Variants in CDC23 observed in about 807,000 individuals in gnomAD.
CDC23 encodes the protein cell division cycle protein 23 homolog.
In CDC23, 26 loss-of-function variants were observed where a neutral mutation model predicts 81.7. The observed-to-expected ratio is 0.32, with a 90% CI of 0.23 to 0.44. The LOEUF (loss-of-function observed/expected upper bound fraction) is 0.44, where lower values mean the gene tolerates loss of function less well. Ranked by LOEUF, CDC23 falls within the 20% of genes least tolerant of loss-of-function variation. The probability of loss-of-function intolerance (pLI) is 1.00; values close to 1 mark genes in which losing one functional copy is unlikely to be tolerated. For synonymous variants in CDC23, 267 were observed against 270.8 expected (o/e 0.99, Z 0.14); for missense variants, 519 against 728.0 (o/e 0.71, Z 3.30).
chr5:138,212,945 A>C (rs1022762796), intron 2 of CDC23, 46 bp downstream of exon 2: 24 of 1,535,102 alleles, frequency 1.6e-5, no homozygotes, highest in African/African-American at 2.7e-5. Context: ...CTCTTGAGGC[A>C]CACCCCTGGG....
At chr5:138,192,479 T>C in intron 10 of CDC23, 25 bp downstream of exon 10, 1 of 1,613,468 alleles carries the variant, frequency 6.2e-7, no homozygotes. Flanking sequence ...CAATCTGCTC[T>C]ACCTCACCAC....
At chr5:138,202,408 C>A (rs374764376) in intron 3 of CDC23, among the ~76,000 whole-genome samples, 47 of 152,258 alleles carry the variant, frequency 3.1e-4, no homozygotes, top group African/African-American at 1.0e-3. Context: ...CTCAGCCTCC[C>A]GAGTAGCTAG....
chr5:138,212,280 T>C (rs1270807394), intron 2 of CDC23, among the ~76,000 whole-genome samples: 1 of 152,204 alleles, frequency 6.6e-6, no homozygotes, highest in Non-Finnish European at 1.5e-5. Flanking sequence ...TTATTTGCTA[T>C]GCTGATCAGA....
At chr5:138,208,024 T>C (rs2967785) in intron 2 of CDC23, among the ~76,000 whole-genome samples, 51,411 of 151,486 alleles carry the variant, frequency 0.34, 8,957 homozygotes, top group South Asian at 0.43. Flanking sequence ...TGCAGTGGTG[T>C]GATATTGGCT....
intron 2 of CDC23, among the ~76,000 whole-genome samples, chr5:138,210,184 C>A (rs17228339): frequency 1.3e-5 from 2 of 150,894 alleles, no homozygotes; most frequent in Non-Finnish European, 2.9e-5. Flanking sequence ...CCACTGCACT[C>A]CAGCCTGGGT....
intron 6 of CDC23, among the ~76,000 whole-genome samples, chr5:138,199,665 C>CA (rs1754963478): frequency 6.6e-6 from 1 of 152,140 alleles, no homozygotes. Flanking sequence ...AAGGAAGACA[C>CA]AAGTATGACT....
chr5:138,187,984 C>T lies in CDC23; in HGVS notation c.*994G>A, dbSNP rs150210709. 1.0e-4 allele frequency: 16 copies of T among 155,256 alleles called. No individual in the cohort carries two copies. In the East Asian group the frequency reaches 2.7e-3, roughly 26 times the overall value. The allele number at this position is 155,256 out of a possible 1,614,324, so 9.6% of individuals were successfully genotyped here. On this transcript the variant is annotated 3_prime_UTR_variant, in exon 16 of 16. Coordinates refer to ENST00000394886, the MANE Select transcript of CDC23 (RefSeq NM_004661.4). ...TAGCATCTACTGTGCAAATATATTA[C>T]AGCAGACATTATAGCATATTACCTC...
intron 3 of CDC23, among the ~76,000 whole-genome samples, chr5:138,204,899 G>A (rs964203974): frequency 1.3e-5 from 2 of 150,998 alleles, no homozygotes; most frequent in Non-Finnish European, 2.9e-5. Flanking sequence ...GAGCTACCGC[G>A]CCCGGACTTT....
At chr5:138,205,165 T>A (rs1022545636) in intron 3 of CDC23, among the ~76,000 whole-genome samples, 1 of 152,174 alleles carries the variant, frequency 6.6e-6, no homozygotes, top group African/African-American at 2.4e-5. Context: ...TAAGGAACTT[T>A]ATTTTATCCC....
At chr5:138,206,049 TAAC>T (rs1264221761) in intron 3 of CDC23, 2 of 155,892 alleles carry the variant, frequency 1.3e-5, no homozygotes, top group Admixed American at 1.3e-4. Context: ...TTTATATAGA[TAAC>T]AACTAAGAAA....
rs771743739 is a variant in CDC23 at position 138,189,759 on chromosome 5, A to C, written c.1504-7T>G. 4 of 1,613,308 alleles carry C rather than the reference A, an allele frequency of 2.5e-6. No individual in the cohort carries two copies. Among genetic ancestry groups the C allele is most frequent in the African/African-American group, 1.3e-5 (1 of 74,910 alleles). On this transcript the variant is annotated splice_polypyrimidine_tract_variant and splice_region_variant and intron_variant, in intron 14 of 15. Coordinates refer to ENST00000394886, the MANE Select transcript of CDC23 (RefSeq NM_004661.4). ...CCAAGTGTTCTACTATTTCCTAGAA[A>C]GGGAAAGCAAAATTACTGAGGTGAC...
At position 138,192,607 on chromosome 5, in the gene CDC23, G is replaced by C. The variant is rs1467255486; in HGVS notation, c.1063C>G (p.Gln355Glu). 3.1e-6 allele frequency: 5 copies of C among 1,614,004 alleles called. No homozygotes were observed. Among genetic ancestry groups the C allele is most frequent in the Non-Finnish European group, 4.2e-6 (5 of 1,179,934 alleles). ...CGAGGATTTAATTTCAGGGCTCTCT[G>C]GAAATATAAGGCTGCTTTCTCATGC... The part of the protein sequence containing the change: ...SQHEKAALYF[Q>E]RALKLNPRYL... The change falls in exon 10 of 16, where the codon CAG becomes GAG. Residue 355 changes from glutamine to glutamate, a missense_variant. Around this residue, in one of 4 missense-constraint regions of CDC23, gnomAD observed 175 missense variants for 337.8 expected, o/e 0.52. Coordinates refer to ENST00000394886, the MANE Select transcript of CDC23 (RefSeq NM_004661.4).
In CDC23 at chr5:138,188,267, GTATAGCTAACAA is replaced by G. The variant is rs1411534339; in HGVS notation, c.*699_*710del. ...TATCTCCTTGCTTGCTTTGGTAGGA[GTATAGCTAACAA>G]TATAGCCATCTTTTGCCCTCAGTAA... is the stretch of plus-strand genomic sequence containing the variant. On this transcript the variant is annotated 3_prime_UTR_variant, in exon 16 of 16. Coordinates refer to ENST00000394886, the MANE Select transcript of CDC23 (RefSeq NM_004661.4). The G allele has an allele frequency of 6.6e-6, 1 of 152,178 alleles. No individual in the cohort carries two copies. The highest frequency in any genetic ancestry group is 1.5e-5 in the Non-Finnish European group (1 of 68,042). The allele number at this position is 152,178 out of a possible 1,614,324, so 9.4% of individuals were successfully genotyped here.
chr5:138,195,359 G>A (rs901436055), intron 9 of CDC23, among the ~76,000 whole-genome samples: 1 of 150,192 alleles, frequency 6.7e-6, no homozygotes, highest in Non-Finnish European at 1.5e-5. Flanking sequence ...TTTTACAGAT[G>A]AAGGAACTAA....
intron 9 of CDC23, among the ~76,000 whole-genome samples, chr5:138,197,181 C>CTGTA: frequency 6.7e-6 from 1 of 149,522 alleles, no homozygotes; most frequent in Admixed American, 6.6e-5. Context: ...TGGCAGGCAC[C>CTGTA]TGTAGTCCCA....
Position 138,213,204 on chromosome 5 carries a change from G to C in CDC23, c.109C>G (p.Leu37Val). The change falls in exon 1 of 16, where the codon CTG (leucine) becomes GTG (valine). Residue 37 changes from leucine (L) to valine (V), a missense_variant. Physicochemically the swap from Leu to Val is conservative, Grantham distance 32 (BLOSUM62 1). Around this residue, in one of 4 missense-constraint regions of CDC23, gnomAD observed 126 missense variants for 116.2 expected, o/e 1.08. Transcript: ENST00000394886. Reference protein sequence around the residue: ...SDLREIKKQLLLIAGLTRERG... With the variant: ...SDLREIKKQLVLIAGLTRERG... ...TCCCGGGTAAGGCCCGCAATAAGCA[G>C]CAGTTGCTTTTTAATTTCCCGCAAA... 6.2e-7 allele frequency: 1 copy of C among 1,614,204 alleles called. No individual in the cohort carries two copies. The highest frequency in any genetic ancestry group is 2.2e-5 in the East Asian group (1 of 44,888).
chr5:138,192,087 ATAC>A (rs1754833297), intron 11 of CDC23, 150 bp from the exon 12 acceptor site: 1 of 915,456 alleles, frequency 1.1e-6, no homozygotes, highest in African/African-American at 1.7e-5. Flanking sequence ...GTTCATAATT[ATAC>A]TATTAACCCA....
intron 3 of CDC23, among the ~76,000 whole-genome samples, chr5:138,204,217 C>G (rs1444289427): frequency 6.6e-6 from 1 of 151,966 alleles, no homozygotes; most frequent in Non-Finnish European, 1.5e-5. Flanking sequence ...ATAAAGAGTA[C>G]AGAAGTGCCA....
At chr5:138,192,456 C>G in intron 10 of CDC23, 48 bp downstream of exon 10, 3 of 1,613,406 alleles carry the variant, frequency 1.9e-6, no homozygotes, top group Non-Finnish European at 2.5e-6. Context: ...GGCTTAGAGG[C>G]TCCTAACCAC....
Sources: allele counts gnomAD v4.1 joint callset (sites outside exome capture counted in the v4.1 genomes callset), GRCh38; gene constraint gnomAD v4.1.1; regional missense constraint gnomAD v4.1.1; transcripts MANE v1.5; gene names NCBI Gene and HGNC (gene_info 2026-07-23, HGNC 2026-07-21).